HS3ST4: variants seen among roughly 807,000 people sequenced by gnomAD.
HS3ST4 encodes the protein heparan sulfate glucosamine 3-O-sulfotransferase 4.
In HS3ST4, 17 loss-of-function variants were observed where a neutral mutation model predicts 29.2. The ratio of observed to expected loss-of-function variants is 0.58; its 90% CI spans 0.40 to 0.87. The LOEUF (loss-of-function observed/expected upper bound fraction) is 0.87. Ranked by LOEUF, HS3ST4 falls within the 40% of genes least tolerant of loss-of-function variation. The probability of loss-of-function intolerance (pLI) is 0.00; values close to 1 mark genes in which losing one functional copy is unlikely to be tolerated. For missense variants in HS3ST4, 627 were observed against 634.5 expected, an observed-to-expected ratio of 0.99 and a Z score of 0.13; for synonymous variants, 314 against 285.7, an observed-to-expected ratio of 1.10 and a Z score of -1.00.
At chr16:26,046,707 A>G (rs1015539480) in intron 1 of HS3ST4, among the ~76,000 whole-genome samples, 5 of 151,822 alleles carry the variant, frequency 3.3e-5, no homozygotes, top group Admixed American at 6.6e-5. Context: ...ATATATGTAT[A>G]TATGTGTATA....
At chr16:25,971,525 C>T (rs1968896865) in intron 1 of HS3ST4, among the ~76,000 whole-genome samples, 2 of 152,144 alleles carry the variant, frequency 1.3e-5, no homozygotes, top group African/African-American at 4.8e-5. Context: ...TTCTTGGCTC[C>T]CTCAGGGCTC....
At chr16:26,044,281 G>A (rs1898240578) in intron 1 of HS3ST4, among the ~76,000 whole-genome samples, 1 of 152,228 alleles carries the variant, frequency 6.6e-6, no homozygotes, top group Non-Finnish European at 1.5e-5. Flanking sequence ...GTAGCCAAGG[G>A]ACCATTGCGC....
intron 1 of HS3ST4, among the ~76,000 whole-genome samples, chr16:26,030,428 T>C (rs1406113810): frequency 6.6e-6 from 1 of 152,198 alleles, no homozygotes; most frequent in Non-Finnish European, 1.5e-5. Context: ...GAAATAATGC[T>C]GAAATTGTTT....
intron 1 of HS3ST4, among the ~76,000 whole-genome samples, chr16:26,006,390 C>T (rs939750558): frequency 8.4e-5 from 12 of 143,642 alleles, no homozygotes; most frequent in African/African-American, 2.8e-4. Flanking sequence ...TGTTTGTTGG[C>T]TTTTTTTAAG....
At chr16:25,958,341 T>C (rs1457700342) in intron 1 of HS3ST4, among the ~76,000 whole-genome samples, 1 of 152,152 alleles carries the variant, frequency 6.6e-6, no homozygotes. Flanking sequence ...CTTTTTTCTT[T>C]TTTTCCTTGA....
At chr16:25,779,690 A>C (rs1298067155) in intron 1 of HS3ST4, among the ~76,000 whole-genome samples, 1 of 152,250 alleles carries the variant, frequency 6.6e-6, no homozygotes, top group Admixed American at 6.5e-5. Flanking sequence ...GGCACACTTA[A>C]ATCCTGATTG....
intron 1 of HS3ST4, among the ~76,000 whole-genome samples, chr16:25,849,768 A>G (rs1967499493): frequency 6.6e-6 from 1 of 151,940 alleles, no homozygotes; most frequent in African/African-American, 2.4e-5. Context: ...TGGCCTCCCA[A>G]TGTGCTGGAA....
At chr16:25,879,273 T>G (rs1360860176) in intron 1 of HS3ST4, among the ~76,000 whole-genome samples, 1 of 152,200 alleles carries the variant, frequency 6.6e-6, no homozygotes, top group African/African-American at 2.4e-5. Context: ...AAGAATGCAC[T>G]GTCTCACTTA....
intron 1 of HS3ST4, among the ~76,000 whole-genome samples, chr16:26,099,282 A>G (rs62036775): frequency 0.3 from 44,922 of 152,114 alleles, 6,884 homozygotes; most frequent in Middle Eastern, 0.43. Flanking sequence ...AGCCCCCTGA[A>G]TGGCTGAGAC....
In HS3ST4 at chr16:25,693,073, T is replaced by A. The variant is rs1458832533; in HGVS notation, c.656T>A (p.Val219Glu). 1 of 1,608,466 alleles carries A rather than the reference T, an allele frequency of 6.2e-7. No homozygotes were observed. The highest frequency in any genetic ancestry group is 1.3e-5 in the African/African-American group (1 of 74,508). ...CGCGCGCTGCTGGAGGCGATCCGCG[T>A]GCACCCGGACGTGCGGGCGGTGGGC... ...GTRALLEAIR[V>E]HPDVRAVGVE... Residue 219 changes from valine (V) to glutamate (E), a missense_variant, in exon 1 of 2, where the codon GTG (valine) becomes GAG (glutamate). By Grantham distance (121) the Val-to-Glu change is moderately radical. This residue lies in a region of HS3ST4 where 402 missense variants were observed against 340.8 expected (regional missense o/e 1.18). Coordinates refer to ENST00000331351, the MANE Select transcript of HS3ST4 (RefSeq NM_006040.3).
intron 1 of HS3ST4, among the ~76,000 whole-genome samples, chr16:25,944,150 A>G (rs1968602096): frequency 1.3e-5 from 2 of 152,010 alleles, no homozygotes; most frequent in African/African-American, 4.8e-5. Context: ...CTTACTCCCT[A>G]GTTCAGCCAG....
intron 1 of HS3ST4, among the ~76,000 whole-genome samples, chr16:25,713,073 T>A (rs1447690840): frequency 2.0e-5 from 3 of 152,158 alleles, no homozygotes; most frequent in Non-Finnish European, 1.5e-5. Context: ...TTATTTATTT[T>A]TTGTAAGTTC....
intron 1 of HS3ST4, among the ~76,000 whole-genome samples, chr16:26,083,983 G>A (rs1347562874): frequency 6.6e-6 from 1 of 152,220 alleles, no homozygotes; most frequent in South Asian, 2.1e-4. Flanking sequence ...AAATACTAGG[G>A]TCCTGAGACA....
chr16:25,749,388 G>A (rs75800778), intron 1 of HS3ST4, among the ~76,000 whole-genome samples: 4 of 152,094 alleles, frequency 2.6e-5, no homozygotes, highest in African/African-American at 9.7e-5. Flanking sequence ...CCAGCTACTT[G>A]GGAGGCTGAG....
At chr16:25,720,657 G>T (rs1966486762) in intron 1 of HS3ST4, among the ~76,000 whole-genome samples, 1 of 152,156 alleles carries the variant, frequency 6.6e-6, no homozygotes, top group East Asian at 1.9e-4. Context: ...TCCAATGCTT[G>T]CACCAGTCAC....
At chr16:26,053,865 T>A (rs1898374904) in intron 1 of HS3ST4, among the ~76,000 whole-genome samples, 1 of 152,068 alleles carries the variant, frequency 6.6e-6, no homozygotes, top group African/African-American at 2.4e-5. Context: ...AAAATCTCCA[T>A]AATTTTAAAT....
intron 1 of HS3ST4, among the ~76,000 whole-genome samples, chr16:25,912,533 G>A (rs1427439826): frequency 1.3e-5 from 2 of 152,142 alleles, no homozygotes; most frequent in East Asian, 3.9e-4. Context: ...AAGCCTTTCT[G>A]AGGTTATTTC....
At chr16:25,720,582 A>G (rs957170054) in intron 1 of HS3ST4, among the ~76,000 whole-genome samples, 1 of 152,074 alleles carries the variant, frequency 6.6e-6, no homozygotes, top group African/African-American at 2.4e-5. Context: ...CCTTCCCTTC[A>G]TTTTCACCTC....
chr16:26,005,404 G>T (rs2141736153), intron 1 of HS3ST4, among the ~76,000 whole-genome samples: 1 of 152,282 alleles, frequency 6.6e-6, no homozygotes, highest in South Asian at 2.1e-4. Context: ...GAGATAAGCA[G>T]CCTTAGAGTG....
Sources: allele counts gnomAD v4.1 joint callset (sites outside exome capture counted in the v4.1 genomes callset), GRCh38; gene constraint gnomAD v4.1.1; regional missense constraint gnomAD v4.1.1; transcripts MANE v1.5; gene names NCBI Gene and HGNC (gene_info 2026-07-23, HGNC 2026-07-21).